The following PRKCE variants were observed in gnomAD, a reference collection of about 807,000 sequenced individuals.
The protein encoded by PRKCE is protein kinase C epsilon.
PRKCE carries 16 observed loss-of-function variants against 85.4 expected under a neutral mutation model. The observed-to-expected ratio is 0.19, with a 90% CI of 0.13 to 0.28. The LOEUF (loss-of-function observed/expected upper bound fraction) is 0.28, where lower values mean the gene tolerates loss of function less well. PRKCE is among the 10% of genes least tolerant of loss of function. The pLI is 1.00. For missense variants in PRKCE, 573 were observed against 975.2 expected, an observed-to-expected ratio of 0.59 and a Z score of 5.49; for synonymous variants, 388 against 371.5, an observed-to-expected ratio of 1.04 and a Z score of -0.51.
intron 1 of PRKCE, among the ~76,000 whole-genome samples, chr2:45,808,952 T>C (rs1688456526): frequency 6.6e-6 from 1 of 152,128 alleles, no homozygotes; most frequent in Non-Finnish European, 1.5e-5. Context: ...GTTGCCCTCT[T>C]CCTAAATTAC....
Position 46,090,273 on chromosome 2 carries a change from G to A in PRKCE, c.1592+3911G>A, listed in dbSNP as rs116479641. Among the ~76,000 whole-genome samples, 1,270 of 152,252 alleles carry A rather than the reference G, an allele frequency of 8.3e-3. 19 individuals carry two copies. The highest frequency in any genetic ancestry group is 0.028 in the African/African-American group (1,168 of 41,544). On this transcript the variant is annotated intron_variant, in intron 11 of 14. Transcript: ENST00000306156. ...GTGTTCTCTAGGTGATTGGGGGACC[G>A]TAGCTCAAGAGAATTTCATCCTCAG...
At chr2:46,113,735 A>G (rs1335044968) in intron 11 of PRKCE, among the ~76,000 whole-genome samples, 2 of 152,154 alleles carry the variant, frequency 1.3e-5, no homozygotes, top group East Asian at 1.9e-4. Flanking sequence ...AGCCCTGGGT[A>G]GGGGTAGCTT....
chr2:46,019,271 G>A (rs75870771), intron 10 of PRKCE, among the ~76,000 whole-genome samples: 9,225 of 152,126 alleles, frequency 0.061, 374 homozygotes, highest in Middle Eastern at 0.13. Flanking sequence ...CAGGGACTTC[G>A]GTTTCTTGCC....
chr2:46,086,090 C>T, intron 10 of PRKCE, 118 bp from the exon 11 acceptor site: 1 of 1,070,534 alleles, frequency 9.3e-7, no homozygotes, highest in Non-Finnish European at 1.4e-6. Context: ...GATTCACCCA[C>T]CTTTGAGGCT....
At chr2:45,935,433 T>G (rs185472213) in intron 2 of PRKCE, among the ~76,000 whole-genome samples, 18 of 152,354 alleles carry the variant, frequency 1.2e-4, no homozygotes, top group Admixed American at 1.1e-3. Flanking sequence ...CTTTAAAATT[T>G]GCATACTATA....
intron 2 of PRKCE, among the ~76,000 whole-genome samples, chr2:45,848,836 C>T (rs1692007345): frequency 6.6e-6 from 1 of 152,218 alleles, no homozygotes; most frequent in Non-Finnish European, 1.5e-5. Context: ...ACCAAGAGTT[C>T]TCCAAGTAGG....
chr2:46,123,636 G>A (rs144936448), intron 11 of PRKCE, among the ~76,000 whole-genome samples: 18 of 152,250 alleles, frequency 1.2e-4, no homozygotes, highest in Admixed American at 1.2e-3. Context: ...CTACAGGCGT[G>A]CACCACCATG....
At chr2:45,726,586 A>G (rs1217425730) in intron 1 of PRKCE, among the ~76,000 whole-genome samples, 1 of 152,242 alleles carries the variant, frequency 6.6e-6, no homozygotes, top group Non-Finnish European at 1.5e-5. Context: ...GACTACATAT[A>G]GTGTAAACAT....
chr2:45,832,512 C>T (rs1163071477), intron 1 of PRKCE, among the ~76,000 whole-genome samples: 1 of 152,080 alleles, frequency 6.6e-6, no homozygotes, highest in Non-Finnish European at 1.5e-5. Flanking sequence ...GGGGTTTCGC[C>T]ATATTGGCCA....
At chr2:45,933,995 A>G (rs912135405) in intron 2 of PRKCE, among the ~76,000 whole-genome samples, 11 of 152,330 alleles carry the variant, frequency 7.2e-5, no homozygotes, top group African/African-American at 2.6e-4. Context: ...GAATTTGTCC[A>G]TATTATAAAC....
At chr2:45,835,221 T>C (rs938644876) in intron 1 of PRKCE, among the ~76,000 whole-genome samples, 1 of 152,264 alleles carries the variant, frequency 6.6e-6, no homozygotes, top group Non-Finnish European at 1.5e-5. Context: ...AGGAAACTTG[T>C]GGAGGAATCC....
intron 2 of PRKCE, among the ~76,000 whole-genome samples, chr2:45,947,550 C>G (rs1427955400): frequency 1.3e-5 from 2 of 152,270 alleles, no homozygotes; most frequent in African/African-American, 4.8e-5. Context: ...TAAAATAATA[C>G]TAAAATAACC....
intron 1 of PRKCE, chr2:45,677,085 G>C (rs993027572): frequency 1.3e-5 from 2 of 152,054 alleles, no homozygotes; most frequent in African/African-American, 2.4e-5. Flanking sequence ...GGAGAAACTG[G>C]AGACAGTTTA....
At chr2:45,823,697 C>A (rs780919364) in intron 1 of PRKCE, among the ~76,000 whole-genome samples, 2 of 152,226 alleles carry the variant, frequency 1.3e-5, no homozygotes, top group Non-Finnish European at 2.9e-5. Flanking sequence ...TTCCATCTGC[C>A]TGGGACAGAG....
intron 11 of PRKCE, among the ~76,000 whole-genome samples, chr2:46,094,396 C>G (rs1238530022): frequency 6.6e-6 from 1 of 152,126 alleles, no homozygotes; most frequent in Non-Finnish European, 1.5e-5. Flanking sequence ...CTTTATTTTA[C>G]TCTCAGACTT....
intron 14 of PRKCE, among the ~76,000 whole-genome samples, chr2:46,169,531 C>G (rs762599597): frequency 6.6e-6 from 1 of 152,062 alleles, no homozygotes. Flanking sequence ...CCCAGCTAGG[C>G]GTGGAAGAGG....
intron 2 of PRKCE, among the ~76,000 whole-genome samples, chr2:45,930,350 T>C (rs2104034979): frequency 6.6e-6 from 1 of 152,094 alleles, no homozygotes; most frequent in South Asian, 2.1e-4. Context: ...GCCTAGGGAG[T>C]TCAGAAAACT....
chr2:45,910,814 A>T (rs1008117509), intron 2 of PRKCE, among the ~76,000 whole-genome samples: 4 of 152,156 alleles, frequency 2.6e-5, no homozygotes, highest in Non-Finnish European at 4.4e-5. Flanking sequence ...CAGGCCTGGC[A>T]GGGGGCGGTG....
intron 2 of PRKCE, among the ~76,000 whole-genome samples, chr2:45,953,672 C>G (rs186019550): frequency 1.4e-3 from 217 of 152,322 alleles, no homozygotes; most frequent in African/African-American, 4.7e-3. Flanking sequence ...GCTGTCACTG[C>G]TTTAAACACT....
Sources: gnomAD v4.1 joint callset for allele counts (sites outside exome capture counted in the v4.1 genomes callset) on GRCh38, gnomAD v4.1.1 for gene constraint, MANE v1.5 for transcripts, NCBI Gene and HGNC (gene_info 2026-07-23, HGNC 2026-07-21) for gene names.